BID: variants seen among roughly 807,000 people sequenced by gnomAD.
The protein encoded by BID is BH3 interacting domain death agonist.
In BID, 19 loss-of-function variants were observed where a neutral mutation model predicts 17.4. The ratio of observed to expected loss-of-function variants is 1.09; its 90% CI spans 0.76 to 1.60. BID has a LOEUF of 1.60. Among genes scored for constraint, BID ranks in the 40% most tolerant of loss-of-function variants. BID has a pLI of 0.00. For synonymous variants in BID, 108 were observed against 102.8 expected (o/e 1.05, Z -0.31); for missense variants, 226 against 256.0 (o/e 0.88, Z 0.80).
chr22:17,754,925 C>T (rs563139837), intron 1 of BID, among the ~76,000 whole-genome samples: 2 of 151,674 alleles, frequency 1.3e-5, no homozygotes, highest in Non-Finnish European at 1.5e-5. Context: ...CCACCACACC[C>T]GGCTAATTTT....
intron 2 of BID, among the ~76,000 whole-genome samples, chr22:17,745,982 A>G (rs71328235): frequency 2.6e-5 from 4 of 151,636 alleles, no homozygotes; most frequent in Admixed American, 6.6e-5. Flanking sequence ...AAACAAACAA[A>G]CAACAAAAAT....
rs199689917 is a variant in BID at position 17,756,425 on chromosome 22, TTTCTTTC to T, written c.-58-6258_-58-6252del. ...TTTCTTTTTTCTCTTTCTTTCTTTC[TTTCTTTC>T]TTCTTTCTTTCTTTCTTTCTTTCTT... On this transcript the variant is annotated intron_variant, in intron 1 of 5. Transcript: ENST00000622694. Among the ~76,000 whole-genome samples the T allele has an allele frequency of 0.022, 1,262 of 58,022 alleles. 20 individuals are homozygous for T. The East Asian group carries it at 0.23, about 10-fold the overall frequency. 38.1% of individuals were successfully genotyped at this position (58,022 alleles called of 152,430 possible).
chr22:17,751,478 T>C (rs927504308), intron 1 of BID, among the ~76,000 whole-genome samples: 1 of 151,934 alleles, frequency 6.6e-6, no homozygotes, highest in Admixed American at 6.6e-5. Flanking sequence ...TGTGTGTGCG[T>C]GTGTGTGTGT....
At chr22:17,758,183 T>A (rs1024713843) in intron 1 of BID, among the ~76,000 whole-genome samples, 1 of 152,198 alleles carries the variant, frequency 6.6e-6, no homozygotes, top group African/African-American at 2.4e-5. Context: ...GTTCCCCAGC[T>A]GCTGGCAAGT....
chr22:17,736,809 AT>A (rs537354233), intron 5 of BID, among the ~76,000 whole-genome samples: 1,782 of 142,104 alleles, frequency 0.013, 15 homozygotes, highest in Non-Finnish European at 0.017. Flanking sequence ...TGCTCAGCTA[AT>A]TTTTTTTTTT....
chr22:17,747,456 G>A (rs1303870045), intron 2 of BID, among the ~76,000 whole-genome samples: 1 of 152,024 alleles, frequency 6.6e-6, no homozygotes, highest in Non-Finnish European at 1.5e-5. Context: ...AAGTAGCTGG[G>A]GTTACAGGCA....
At chr22:17,742,778 T>C (rs2061469832) in intron 3 of BID, among the ~76,000 whole-genome samples, 1 of 152,214 alleles carries the variant, frequency 6.6e-6, no homozygotes, top group African/African-American at 2.4e-5. Flanking sequence ...AGGTTTCTCG[T>C]GTAATTCCAA....
chr22:17,735,313 A>G lies in BID; in HGVS notation c.*267T>C, dbSNP rs1454253667. 2.1e-6 allele frequency: 1 copy of G among 482,470 alleles called. No homozygotes were observed. The highest frequency in any genetic ancestry group is 3.7e-6 in the Non-Finnish European group (1 of 271,862). The allele number at this position is 482,470 out of a possible 1,614,324, so 29.9% of individuals were successfully genotyped here. A position where few individuals can be genotyped will look rare whatever the true frequency, so the allele number is the denominator to read the frequency against. On this transcript the variant is annotated 3_prime_UTR_variant, in exon 6 of 6. Transcript: ENST00000622694. The stretch of plus-strand genomic sequence containing the variant: ...GTGGAAATAAAGGCACCGTGTGTAG[A>G]TTTACAGATGTGCAGATTCATGTGT...
chr22:17,751,340 CCG>C (rs2061538064), intron 1 of BID, among the ~76,000 whole-genome samples: 2 of 151,662 alleles, frequency 1.3e-5, no homozygotes, highest in South Asian at 4.2e-4. Context: ...CCACTGCAGT[CCG>C]CAGTCCGACC....
rs563459164 is a variant in BID, at chr22:17,739,008, C to T, written c.363+341G>A. 4.6e-5 allele frequency among the ~76,000 whole-genome samples: 7 copies of T among 152,308 alleles called. No homozygotes were observed. The South Asian group carries it at 1.5e-3, about 32-fold the overall frequency. Reference sequence around the variant, plus strand: ...CTCAGCAGAGCAGCAGGCACCACTCCCAGGGCTTACGGTTCTCACTGGCAC... The same window carrying T: ...CTCAGCAGAGCAGCAGGCACCACTCTCAGGGCTTACGGTTCTCACTGGCAC... On this transcript the variant is annotated intron_variant, in intron 4 of 5. Transcript: ENST00000622694.
chr22:17,736,372 G>A (rs1004913417), intron 5 of BID, among the ~76,000 whole-genome samples: 16 of 151,010 alleles, frequency 1.1e-4, no homozygotes, highest in African/African-American at 2.9e-4. Context: ...CAGGAGAATC[G>A]CTTGAACCTG....
chr22:17,735,708 AC>A (rs1308923450), intron 5 of BID, 117 bp from the exon 6 acceptor site: 12 of 1,278,004 alleles, frequency 9.4e-6, no homozygotes, highest in Non-Finnish European at 1.3e-5. Context: ...TGTTCTCCAG[AC>A]CCCTGAAGTC....
intron 1 of BID, among the ~76,000 whole-genome samples, chr22:17,765,507 T>C (rs1444732265): frequency 6.6e-6 from 1 of 152,252 alleles, no homozygotes; most frequent in Non-Finnish European, 1.5e-5. Flanking sequence ...AAGCTTTATT[T>C]TGGTACAGTA....
chr22:17,741,207 T>G (rs1364990525), intron 3 of BID: 1 of 152,250 alleles, frequency 6.6e-6, no homozygotes, highest in African/African-American at 2.4e-5. Context: ...CTCGGCCACC[T>G]TCACAGCACA....
chr22:17,747,799 CG>C (rs2061504560), intron 2 of BID, among the ~76,000 whole-genome samples: 1 of 151,966 alleles, frequency 6.6e-6, no homozygotes, highest in Non-Finnish European at 1.5e-5. Context: ...TGGTGCTGGC[CG>C]GGCGCGGTGG....
intron 4 of BID, 60 bp downstream of exon 4, chr22:17,739,289 C>G: frequency 6.8e-7 from 1 of 1,479,036 alleles, no homozygotes; most frequent in Non-Finnish European, 9.0e-7. Flanking sequence ...TGGTGAGAGG[C>G]AGGGGACAGG....
At chr22:17,764,197 T>C (rs553819771) in intron 1 of BID, 1 of 154,664 alleles carries the variant, frequency 6.5e-6, no homozygotes, top group South Asian at 2.0e-4. Flanking sequence ...CTCTCTCCAT[T>C]CCCCAGGACT....
chr22:17,770,262 G>GAC (rs2061709515), intron 1 of BID, among the ~76,000 whole-genome samples: 1 of 152,178 alleles, frequency 6.6e-6, no homozygotes, highest in East Asian at 1.9e-4. Flanking sequence ...TGTAAAGGTG[G>GAC]ACAGGTCATG....
At chr22:17,750,204 G>A (rs745822889) in intron 1 of BID, 30 bp from the exon 2 acceptor site, 4 of 1,588,306 alleles carry the variant, frequency 2.5e-6, no homozygotes, top group East Asian at 2.3e-5. Context: ...GTGGGCGGCC[G>A]CTCCTGGGAA....
Sources: allele counts gnomAD v4.1 joint callset (sites outside exome capture counted in the v4.1 genomes callset), GRCh38; gene constraint gnomAD v4.1.1; transcripts MANE v1.5; gene names NCBI Gene and HGNC (gene_info 2026-07-23, HGNC 2026-07-21).